The following GNAS-AS1 variants were observed in gnomAD, a reference collection of about 807,000 sequenced individuals.
The protein encoded by GNAS-AS1 is GNAS antisense RNA 1 (non-protein coding).
At chr20:58,827,406 T>C (rs1352319555) in intron 4 of GNAS-AS1, among the ~76,000 whole-genome samples, 1 of 151,992 alleles carries the variant, frequency 6.6e-6, no homozygotes, top group Non-Finnish European at 1.5e-5. Flanking sequence ...ACACACTGGT[T>C]GCCTCGTAGA....
At chr20:58,839,475 G>A (rs1038016749) in intron 4 of GNAS-AS1, 4 of 401,008 alleles carry the variant, frequency 1.0e-5, no homozygotes, top group Admixed American at 4.3e-5. Flanking sequence ...ACGACCCCAC[G>A]GGAGCCTGCG....
Position 58,840,273 on chromosome 20 carries a change from C to T in GNAS-AS1, n.819+1664G>A, listed in dbSNP as rs141238454. ...TCCAACGCCCGTGCCCAGCAGCGCGCGGCTGCCCAACAGCGCCGGAGCTTC... is the reference window on the plus strand; with the variant it reads ...TCCAACGCCCGTGCCCAGCAGCGCGTGGCTGCCCAACAGCGCCGGAGCTTC... On this transcript the variant is annotated intron_variant and non_coding_transcript_variant, in intron 4 of 4. Coordinates refer to ENST00000424094, the Ensembl canonical transcript of GNAS-AS1. The surrounding 1 kb of genome is among the most constrained non-coding windows in gnomAD (Gnocchi z 6.0). The T allele has an allele frequency of 2.0e-5, 32 of 1,611,942 alleles. No homozygotes were observed. The highest frequency in any genetic ancestry group is 1.6e-4 in the Middle Eastern group (1 of 6,084).
chr20:58,842,180 CACCTTCGGAAG>C (rs1458285686), exon 4 of GNAS-AS1: 8 of 398,476 alleles, frequency 2.0e-5, no homozygotes, highest in African/African-American at 1.6e-4. Context: ...TCTGGTAACG[CACCTTCGGAAG>C]GGAAGGCGTG....
intron 4 of GNAS-AS1, chr20:58,826,863 C>CTTTTTTTTTTTTTTTTTTTTTTTTTTTT (rs57146714): frequency 2.7e-4 from 23 of 85,748 alleles, no homozygotes; most frequent in Non-Finnish European, 3.2e-4. Context: ...CCATGCCTGG[C>CTTTTTTTTTTTTTTTTTTTTTTTTTTTT]TTTTTTTTTT....
In GNAS-AS1 at chr20:58,840,280, C is replaced by G; in HGVS notation, n.819+1657G>C. 1 of 1,612,218 alleles carries G rather than the reference C, an allele frequency of 6.2e-7. No homozygotes were observed. Among genetic ancestry groups the G allele is most frequent in the African/African-American group, 1.3e-5 (1 of 75,038 alleles). ...CCCGTGCCCAGCAGCGCGCGGCTGCCCAACAGCGCCGGAGCTTCCTTAACG... is the reference window on the plus strand; with the variant it reads ...CCCGTGCCCAGCAGCGCGCGGCTGCGCAACAGCGCCGGAGCTTCCTTAACG... On this transcript the variant is annotated intron_variant and non_coding_transcript_variant, in intron 4 of 4. Transcript: ENST00000424094. The surrounding 1 kb of genome is among the most constrained non-coding windows in gnomAD (Gnocchi z 6.0).
At chr20:58,823,383 C>G (rs1039661792) in intron 4 of GNAS-AS1, among the ~76,000 whole-genome samples, 6 of 152,168 alleles carry the variant, frequency 3.9e-5, no homozygotes, top group African/African-American at 1.4e-4. Context: ...GTCATCAGTG[C>G]GAGCCAGTTC....
At chr20:58,820,092 C>T (rs763346784) in intron 4 of GNAS-AS1, among the ~76,000 whole-genome samples, 1 of 152,276 alleles carries the variant, frequency 6.6e-6, no homozygotes, top group Non-Finnish European at 1.5e-5. Flanking sequence ...TTCAGACGCC[C>T]GCTCCAGTGG....
intron 4 of GNAS-AS1, among the ~76,000 whole-genome samples, chr20:58,821,061 A>G (rs2085483546): frequency 6.6e-6 from 1 of 152,206 alleles, no homozygotes; most frequent in Non-Finnish European, 1.5e-5. Flanking sequence ...TCAAGCCAGC[A>G]GGGCCCTGCT....
chr20:58,843,862 T>G (rs1285998659), intron 2 of GNAS-AS1, among the ~76,000 whole-genome samples: 1 of 152,208 alleles, frequency 6.6e-6, no homozygotes, highest in Admixed American at 6.5e-5. Flanking sequence ...GTCAACCTGA[T>G]GTAGGTTTAA....
intron 4 of GNAS-AS1, chr20:58,838,687 G>A (rs567597748): frequency 3.4e-5 from 8 of 238,496 alleles, no homozygotes; most frequent in African/African-American, 1.8e-4. Flanking sequence ...GGAGGCCGAG[G>A]CGGGCGGATC....
chr20:58,834,491 G>C (rs898502508), intron 4 of GNAS-AS1: 3 of 152,308 alleles, frequency 2.0e-5, no homozygotes, highest in African/African-American at 2.4e-5. Context: ...GCAAGGCAGG[G>C]TGTCAGAGTC....
intron 4 of GNAS-AS1, among the ~76,000 whole-genome samples, chr20:58,822,521 AC>A (rs2085493408): frequency 6.6e-6 from 1 of 152,154 alleles, no homozygotes; most frequent in Non-Finnish European, 1.5e-5. Flanking sequence ...GGACACCTAA[AC>A]GTTGGCGGTC....
Position 58,840,885 on chromosome 20 carries a change from A to G in GNAS-AS1, n.819+1052T>C. The G allele has an allele frequency of 6.2e-7, 1 of 1,612,454 alleles. No homozygotes were observed. The highest frequency in any genetic ancestry group is 8.5e-7 in the Non-Finnish European group (1 of 1,179,834). ...AGATTCTCCTTGTTTTCATGGATTC[A>G]GGTTAGTTGCCCACCGCTAAACTGG... is the stretch of plus-strand genomic sequence containing the variant. On this transcript the variant is annotated intron_variant and non_coding_transcript_variant, in intron 4 of 4. Transcript: ENST00000424094. The surrounding 1 kb of genome is among the most constrained non-coding windows in gnomAD (Gnocchi z 6.0).
At chr20:58,848,681 A>G (rs1436003456) in intron 2 of GNAS-AS1, among the ~76,000 whole-genome samples, 2 of 152,140 alleles carry the variant, frequency 1.3e-5, no homozygotes, top group Non-Finnish European at 2.9e-5. Context: ...GGATCACCAG[A>G]CAAGCCAACC....
chr20:58,830,629 C>CACCATCAT (rs2085562030), intron 4 of GNAS-AS1, among the ~76,000 whole-genome samples: 1 of 140,774 alleles, frequency 7.1e-6, no homozygotes, highest in Non-Finnish European at 1.6e-5. Context: ...ACCATCACCA[C>CACCATCAT]CACCGCCACA....
intron 4 of GNAS-AS1, chr20:58,834,812 C>T (rs1163535828): frequency 1.3e-5 from 2 of 152,196 alleles, no homozygotes; most frequent in African/African-American, 4.8e-5. Flanking sequence ...CCTTTCTGAT[C>T]CTACGCCCTT....
intron 1 of GNAS-AS1, among the ~76,000 whole-genome samples, chr20:58,849,330 T>A (rs2086060318): frequency 6.6e-6 from 1 of 152,284 alleles, no homozygotes; most frequent in African/African-American, 2.4e-5. Flanking sequence ...ATCTCTCCCT[T>A]CTGAGTCCTC....
intron 4 of GNAS-AS1, among the ~76,000 whole-genome samples, chr20:58,825,471 G>A (rs569769178): frequency 1.3e-5 from 2 of 152,272 alleles, no homozygotes; most frequent in South Asian, 4.1e-4. Flanking sequence ...GTCTTCATGA[G>A]TATTTTTAAA....
At chr20:58,849,281 G>A (rs190940742) in intron 1 of GNAS-AS1, among the ~76,000 whole-genome samples, 2 of 152,252 alleles carry the variant, frequency 1.3e-5, no homozygotes, top group African/African-American at 4.8e-5. Context: ...GATGAGATGT[G>A]CTGAGTGGTT....
Sources: allele counts gnomAD v4.1 joint callset (sites outside exome capture counted in the v4.1 genomes callset), GRCh38; gene constraint gnomAD v4.1.1; non-coding constraint Gnocchi (gnomAD v3.1); transcripts MANE v1.5; gene names NCBI Gene and HGNC (gene_info 2026-07-23, HGNC 2026-07-21).